The following INSL6 variants were observed in gnomAD, a reference collection of about 807,000 sequenced individuals.
The protein encoded by INSL6 is insulin-like peptide INSL6.
Under a neutral mutation model 9.4 loss-of-function variants are expected in INSL6, and 16 were observed. The observed-to-expected ratio is 1.70, with a 90% confidence interval of 1.15 to 2.59. The LOEUF is 2.59. Among genes scored for constraint, INSL6 ranks in the 30% most tolerant of loss-of-function variants. The pLI is 0.00. For missense variants in INSL6, 391 were observed against 257.3 expected (o/e 1.52, Z -3.56); for synonymous variants, 154 against 96.9 (o/e 1.59, Z -3.46).
the INSL6 span, among the ~76,000 whole-genome samples, chr9:5,092,793 GC>G: frequency 6.6e-6 from 1 of 152,182 alleles, no homozygotes; most frequent in Non-Finnish European, 1.5e-5. Context: ...AGCCTATCAA[GC>G]CTGCTGATAG....
At chr9:5,112,554 T>C in the INSL6 span, 1 of 613,808 alleles carries the variant, frequency 1.6e-6, no homozygotes, top group Non-Finnish European at 2.9e-6. Context: ...AGGTGGCCAA[T>C]AACGCCAGGG....
chr9:5,014,432 C>A, the INSL6 span, among the ~76,000 whole-genome samples: 1 of 152,110 alleles, frequency 6.6e-6, no homozygotes, highest in Non-Finnish European at 1.5e-5. Context: ...GCACTGAGTG[C>A]AGTAGTAAAT....
the INSL6 span, among the ~76,000 whole-genome samples, chr9:5,018,946 C>T: frequency 6.6e-6 from 1 of 152,096 alleles, no homozygotes; most frequent in Admixed American, 6.5e-5. Flanking sequence ...AGAATTCTCT[C>T]TTTGTCTTTG....
At chr9:5,093,427 T>G in the INSL6 span, among the ~76,000 whole-genome samples, 1 of 152,132 alleles carries the variant, frequency 6.6e-6, no homozygotes, top group African/African-American at 2.4e-5. Context: ...AATGGCCACA[T>G]GAGGGTTCAG....
the INSL6 span, chr9:5,114,411 A>C: frequency 7.9e-6 from 4 of 503,528 alleles, no homozygotes; most frequent in Admixed American, 9.6e-5. Context: ...CAGAGACTGG[A>C]TCAAGGGGGA....
chr9:5,055,992 G>A, the INSL6 span, among the ~76,000 whole-genome samples: 6 of 151,852 alleles, frequency 4.0e-5, no homozygotes, highest in Non-Finnish European at 8.8e-5. Context: ...AGAGTTTCTT[G>A]TACATTACTG....
rs140593025 is a variant in INSL6 at position 5,164,096 on chromosome 9, G to A, written c.459C>T (p.Asn153=). The A allele has an allele frequency of 3.4e-3, 5,420 of 1,612,622 alleles. 273 individuals carry two copies. In the Admixed American group the frequency reaches 0.081, roughly 24 times the overall value. ...ACAAATTGCTTAAGGTTTTAATTTT[G>A]TTTCTACGTTTCTTCTGAAATTTTG... ...ENAKFQKKRR[N]KIKTLSNLFW... Residue 153 remains asparagine, a synonymous_variant, in exon 2 of 2, where the codon AAC becomes AAT. Coordinates refer to ENST00000381641, the MANE Select transcript of INSL6 (RefSeq NM_007179.3).
the INSL6 span, among the ~76,000 whole-genome samples, chr9:5,065,787 G>A: frequency 1.7e-4 from 26 of 152,040 alleles, no homozygotes; most frequent in South Asian, 4.2e-4. Flanking sequence ...TGAATAACTC[G>A]AGCAAAGGGA....
the INSL6 span, among the ~76,000 whole-genome samples, chr9:5,024,731 A>G: frequency 2.6e-5 from 4 of 152,222 alleles, no homozygotes; most frequent in African/African-American, 7.2e-5. Context: ...TTTTCAATGA[A>G]TATCTTCTGT....
chr9:5,077,133 T>G, the INSL6 span, among the ~76,000 whole-genome samples: 2 of 151,538 alleles, frequency 1.3e-5, no homozygotes, highest in Non-Finnish European at 2.9e-5. Context: ...GAAGAGAAAT[T>G]GAGAAATTTT....
chr9:5,175,187 G>A (rs1351606767), intron 1 of INSL6, among the ~76,000 whole-genome samples: 2 of 152,026 alleles, frequency 1.3e-5, no homozygotes, highest in African/African-American at 4.8e-5. Context: ...TGATCCACCT[G>A]CCTCGGCCTC....
At chr9:5,090,496 C>T in the INSL6 span, 6 of 1,588,764 alleles carry the variant, frequency 3.8e-6, no homozygotes, top group Admixed American at 3.5e-5. Context: ...TGGAAGTTTA[C>T]GAGACTATCT....
chr9:5,028,372 C>G, the INSL6 span, among the ~76,000 whole-genome samples: 1 of 152,164 alleles, frequency 6.6e-6, no homozygotes, highest in South Asian at 2.1e-4. Context: ...TACAGATGTG[C>G]TATCTTCTAG....
At chr9:5,111,478 T>C in the INSL6 span, 3 of 381,536 alleles carry the variant, frequency 7.9e-6, no homozygotes, top group South Asian at 2.0e-5. Context: ...CCAGCTCAGG[T>C]GAGGAGTACG....
the INSL6 span, among the ~76,000 whole-genome samples, chr9:5,087,474 A>ACTGGTAGTTCTTTTAGT: frequency 6.6e-6 from 1 of 151,540 alleles, no homozygotes; most frequent in African/African-American, 2.4e-5. Flanking sequence ...AAACCATATC[A>ACTGGTAGTTCTTTTAGT]CTCCCTTACT....
chr9:5,089,874 C>G, the INSL6 span: 1 of 1,438,558 alleles, frequency 7.0e-7, no homozygotes. Flanking sequence ...GTAAGCTGCC[C>G]ATTGAAACCT....
the INSL6 span, chr9:5,085,228 A>G: frequency 1.5e-6 from 1 of 669,682 alleles, no homozygotes; most frequent in Admixed American, 1.8e-5. Flanking sequence ...CTGACAGGCA[A>G]ATAGGACAGG....
At chr9:5,043,016 C>A in the INSL6 span, among the ~76,000 whole-genome samples, 2 of 152,194 alleles carry the variant, frequency 1.3e-5, no homozygotes, top group South Asian at 2.1e-4. Flanking sequence ...TCGCGCGGCT[C>A]GGCCCCTGGG....
At chr9:5,157,332 TATTTA>T (rs1342152471) in intron 2 of INSL6, among the ~76,000 whole-genome samples, 3 of 152,154 alleles carry the variant, frequency 2.0e-5, no homozygotes, top group African/African-American at 7.2e-5. Context: ...GAACTTACAC[TATTTA>T]ATTTAAAGAT....
Sources: gnomAD v4.1 joint callset for allele counts (sites outside exome capture counted in the v4.1 genomes callset) on GRCh38, gnomAD v4.1.1 for gene constraint, MANE v1.5 for transcripts, NCBI Gene and HGNC (gene_info 2026-07-23, HGNC 2026-07-21) for gene names.